ATM: variants seen among roughly 807,000 people sequenced by gnomAD.
ATM encodes serine-protein kinase ATM.
A neutral mutation model predicts 387.0 loss-of-function variants in ATM; 308 were observed. That is an observed-to-expected ratio of 0.80 (90% CI 0.73 to 0.87). The LOEUF is 0.87. Ranked by LOEUF, ATM falls within the 40% of genes least tolerant of loss-of-function variation. ATM has a pLI of 0.00. For missense variants in ATM, 3,312 were observed against 3,560.9 expected (o/e 0.93, Z 1.78); for synonymous variants, 1,156 against 1,187.3 (o/e 0.97, Z 0.54).
chr11:108,275,192 T>G (rs1441937190), intron 22 of ATM, among the ~76,000 whole-genome samples: 2 of 152,210 alleles, frequency 1.3e-5, no homozygotes, highest in East Asian at 1.9e-4. Flanking sequence ...AACCCTTGCT[T>G]TTTTTCTTTC....
chr11:108,293,890 A>ATAT (rs1302293674), intron 31 of ATM, among the ~76,000 whole-genome samples: 9 of 110,182 alleles, frequency 8.2e-5, no homozygotes, highest in Admixed American at 3.2e-4. Context: ...AAAAAAAAAA[A>ATAT]AAAAATATAT....
rs2135738468 is a variant in ATM, at chr11:108,287,724, AT to A, written c.4109+13del. ...CTCTGTGACTTTTCAGGGTATGTAC[AT>A]TTTAAACTTAGAGAACTAGCTCTAA... On this transcript the variant is annotated intron_variant, in intron 27 of 62. Transcript: ENST00000675843. 6.3e-7 allele frequency: 1 copy of A among 1,592,364 alleles called. No individual in the cohort carries two copies. Among genetic ancestry groups the A allele is most frequent in the Non-Finnish European group, 8.6e-7 (1 of 1,160,840 alleles).
In ATM at chr11:108,365,733, G is replaced by A. The variant is rs1217828475; in HGVS notation, c.*225G>A. 4 of 605,050 alleles carry A rather than the reference G, an allele frequency of 6.6e-6. No homozygotes were observed. In the East Asian group the frequency reaches 1.3e-4, roughly 19 times the overall value. 37.5% of individuals were successfully genotyped at this position (605,050 alleles called of 1,614,324 possible). ...CTCTTTAGAAATAATGGTCATTCGG[G>A]CTGGGCGCAGCGGCTCACGCCTGTA... On this transcript the variant is annotated 3_prime_UTR_variant, in exon 63 of 63. Transcript: ENST00000675843.
chr11:108,242,154 G>A (rs1460583762), intron 5 of ATM, among the ~76,000 whole-genome samples: 1 of 151,932 alleles, frequency 6.6e-6, no homozygotes, highest in Non-Finnish European at 1.5e-5. Context: ...GAGGACCAAA[G>A]TTACTGATAT....
At chr11:108,272,874 A>C (rs763939403) in intron 22 of ATM, 22 bp downstream of exon 22, 154 of 1,613,678 alleles carry the variant, frequency 9.5e-5, no homozygotes, top group Non-Finnish European at 1.3e-4. Context: ...AATATTCATG[A>C]AGTATTTGGA....
intron 20 of ATM, among the ~76,000 whole-genome samples, chr11:108,271,976 A>G (rs1370869658): frequency 1.3e-5 from 2 of 152,130 alleles, no homozygotes; most frequent in Non-Finnish European, 2.9e-5. Flanking sequence ...AGGTTCAAGC[A>G]ATTGTCCTGC....
At chr11:108,260,878 C>T (rs554227862) in intron 16 of ATM, among the ~76,000 whole-genome samples, 18 of 152,274 alleles carry the variant, frequency 1.2e-4, no homozygotes, top group Admixed American at 7.2e-4. Flanking sequence ...AAAGGGGGGA[C>T]GGACGGCACC....
At position 108,295,059 on chromosome 11, in the gene ATM, G is replaced by A. The variant is rs753870656; in HGVS notation, c.4909G>A (p.Asp1637Asn). Residue 1637 changes from aspartate to asparagine, a missense_variant and splice_region_variant, in exon 32 of 63, where the codon GAT (aspartate) becomes AAT (asparagine). Asp to Asn is a conservative substitution (Grantham distance 23). This residue lies in a region of ATM where 1,405 missense variants were observed against 1,604.4 expected (regional missense o/e 0.88). Coordinates refer to ENST00000675843, the MANE Select transcript of ATM (RefSeq NM_000051.4). ...GGTGGACATTATGAGAGCTTCTCAG[G>A]GTGCTAATTTTAAATGACATGGGCT... The part of the protein sequence containing the change: ...QMVDIMRASQ[D>N]NPQDGIMVKL... The A allele has an allele frequency of 6.2e-7, 1 of 1,613,694 alleles. No individual in the cohort carries two copies. The highest frequency in any genetic ancestry group is 8.5e-7 in the Non-Finnish European group (1 of 1,179,798).
chr11:108,339,982 A>T (rs1009245729), intron 56 of ATM, among the ~76,000 whole-genome samples: 1 of 152,188 alleles, frequency 6.6e-6, no homozygotes, highest in Non-Finnish European at 1.5e-5. Flanking sequence ...GTTGGGTTAG[A>T]TACTCTACTG....
At chr11:108,319,170 C>G (rs2085005894) in intron 43 of ATM, among the ~76,000 whole-genome samples, 1 of 152,146 alleles carries the variant, frequency 6.6e-6, no homozygotes, top group Non-Finnish European at 1.5e-5. Context: ...GAGTGAGACT[C>G]TGTCTCAAAA....
intron 22 of ATM, among the ~76,000 whole-genome samples, chr11:108,274,586 T>A (rs2081825991): frequency 6.6e-6 from 1 of 152,226 alleles, no homozygotes; most frequent in African/African-American, 2.4e-5. Context: ...TCTTATTGGT[T>A]TCAAAGAACT....
At chr11:108,319,087 G>A (rs1037153982) in intron 43 of ATM, among the ~76,000 whole-genome samples, 8 of 151,622 alleles carry the variant, frequency 5.3e-5, no homozygotes, top group African/African-American at 1.9e-4. Flanking sequence ...TGAGGTGAGG[G>A]GATCCCTTGA....
chr11:108,344,269 GAT>G (rs555970334), intron 57 of ATM, among the ~76,000 whole-genome samples: 97 of 152,278 alleles, frequency 6.4e-4, no homozygotes, highest in African/African-American at 2.2e-3. Context: ...GACAGAAGTA[GAT>G]CCAAGAAATG....
chr11:108,243,742 C>G (rs1205376431), intron 5 of ATM, among the ~76,000 whole-genome samples: 1 of 152,110 alleles, frequency 6.6e-6, no homozygotes, highest in South Asian at 2.1e-4. Context: ...GGTGCTCTCA[C>G]AGCAGTTTAT....
At chr11:108,285,872 T>A (rs1240791858) in intron 26 of ATM, among the ~76,000 whole-genome samples, 1 of 152,212 alleles carries the variant, frequency 6.6e-6, no homozygotes, top group South Asian at 2.1e-4. Flanking sequence ...TTAATCTTAC[T>A]ATTCTTTTCT....
chr11:108,268,316 T>C (rs1364848502), intron 17 of ATM, 94 bp from the exon 18 acceptor site: 4 of 1,183,244 alleles, frequency 3.4e-6, no homozygotes, highest in Non-Finnish European at 4.9e-6. Flanking sequence ...TTTCATATAC[T>C]TTTTTTTGTG....
At chr11:108,271,921 G>A (rs1273537801) in intron 20 of ATM, among the ~76,000 whole-genome samples, 3 of 152,160 alleles carry the variant, frequency 2.0e-5, no homozygotes, top group African/African-American at 4.8e-5. Context: ...GCTGCAGGCT[G>A]GAGTGCAGTG....
At position 108,312,448 on chromosome 11, in the gene ATM, A is replaced by C; in HGVS notation, c.5956A>C (p.Ile1986Leu). The change falls in exon 40 of 63, where the codon ATT (isoleucine) becomes CTT (leucine). Residue 1986 changes from isoleucine (I) to leucine (L), a missense_variant. Ile to Leu is a conservative substitution (Grantham distance 5). Coordinates refer to ENST00000675843, the MANE Select transcript of ATM (RefSeq NM_000051.4). ...TGAAGAAGGAAGCCAGAGTACAACT[A>C]TTTCTAGCTTGAGTGAAAAAAGTAA... ...AFEEGSQSTT[I>L]SSLSEKSKEE... is the part of the protein sequence containing the mutation. The C allele has an allele frequency of 6.3e-7, 1 of 1,596,496 alleles. No individual in the cohort carries two copies. Among genetic ancestry groups the C allele is most frequent in the Non-Finnish European group, 8.6e-7 (1 of 1,164,272 alleles).
Position 108,267,200 on chromosome 11 carries a change from T to C in ATM, c.2496T>C (p.Arg832=). Residue 832 remains arginine (R), a synonymous_variant, in exon 17 of 63, where the codon CGT becomes CGC. Coordinates refer to ENST00000675843, the MANE Select transcript of ATM (RefSeq NM_000051.4). The stretch of plus-strand genomic sequence containing the variant: ...CCTTCATCAAAAAGCCATTTGACCG[T>C]GGAGAAGTAGAATCAATGGAAGATG... ...LASFIKKPFD[R]GEVESMEDDT... 1 of 1,614,148 alleles carries C rather than the reference T, an allele frequency of 6.2e-7. No individual in the cohort carries two copies. The highest frequency in any genetic ancestry group is 8.5e-7 in the Non-Finnish European group (1 of 1,180,010).
Sources: gnomAD v4.1 joint callset for allele counts (sites outside exome capture counted in the v4.1 genomes callset) on GRCh38, gnomAD v4.1.1 for gene constraint, gnomAD v4.1.1 regional missense constraint, MANE v1.5 for transcripts, NCBI Gene and HGNC (gene_info 2026-07-23, HGNC 2026-07-21) for gene names.